Variants in LIMD2 observed in about 807,000 individuals in gnomAD.
LIMD2 encodes LIM domain containing 2.
A neutral mutation model predicts 16.0 loss-of-function variants in LIMD2; 11 were observed. That is an observed-to-expected ratio of 0.69 (90% confidence interval 0.43 to 1.14). The LOEUF is 1.14. LIMD2 is among the 50% of genes most tolerant of loss of function. The pLI is 0.00. For missense variants in LIMD2, 168 were observed against 165.8 expected (o/e 1.01, Z -0.07); for synonymous variants, 60 against 67.1 (o/e 0.89, Z 0.52).
chr17:63,699,775 C>T, intron 1 of LIMD2: 2 of 301,416 alleles, frequency 6.6e-6, no homozygotes, highest in Non-Finnish European at 9.7e-6. Context: ...CCCGAGGTCC[C>T]CGCCCGCCCC....
At position 63,699,083 on chromosome 17, in the gene LIMD2, G is replaced by T; in HGVS notation, c.43-14C>A. On this transcript the variant is annotated splice_polypyrimidine_tract_variant and intron_variant, in intron 2 of 4. Coordinates refer to ENST00000259006, the MANE Select transcript of LIMD2 (RefSeq NM_030576.4). ...GCCTTTGGCGTCCTGAGGGAGAGGG[G>T]CGGTCAGGGCAGGGGCAGCTCCGGG... 6.2e-7 allele frequency: 1 copy of T among 1,600,290 alleles called. No individual in the cohort carries two copies. Among genetic ancestry groups the T allele is most frequent in the Non-Finnish European group, 8.5e-7 (1 of 1,175,448 alleles).
chr17:63,699,680 CCGCTGCCCCGACCTGACCCCGGCCCT>C, intron 1 of LIMD2: 1 of 325,732 alleles, frequency 3.1e-6, no homozygotes, highest in Non-Finnish European at 4.5e-6. Flanking sequence ...CGATGAGAAG[CCGCTGCCCCGACCTGACCCCGGCCCT>C]CGCTGCCCTG....
rs2035717545 is a variant in LIMD2, at chr17:63,698,011, C to CAGAGGGGG, written c.*540_*541insCCCCCTCT. 1 of 157,016 alleles carries CAGAGGGGG rather than the reference C, an allele frequency of 6.4e-6. No homozygotes were observed. The highest frequency in any genetic ancestry group is 2.4e-5 in the African/African-American group (1 of 41,474). 9.7% of individuals were successfully genotyped at this position (157,016 alleles called of 1,614,324 possible). On this transcript the variant is annotated 3_prime_UTR_variant, in exon 5 of 5. Coordinates refer to ENST00000259006, the MANE Select transcript of LIMD2 (RefSeq NM_030576.4). ...CCCCACTGGGGCAGGCCCTGCCTTG[C>CAGAGGGGG]CCTGCAGAGGCAGGGTGGCTCCACT...
In LIMD2 at chr17:63,697,148, TGTGAACTCATCCCTCATTGTCC is replaced by T. The variant is rs1365082554; in HGVS notation, c.*1382_*1403del. On this transcript the variant is annotated 3_prime_UTR_variant, in exon 5 of 5. Transcript: ENST00000259006. ...TCCCAACTTGCCTGGTTTGCTCTGC[TGTGAACTCATCCCTCATTGTCC>T]CTGGGTTTTCAGAGAAGCAGAGGTA... 2 of 152,342 alleles carry T rather than the reference TGTGAACTCATCCCTCATTGTCC, an allele frequency of 1.3e-5. No individual in the cohort carries two copies. The highest frequency in any genetic ancestry group is 4.8e-5 in the African/African-American group (2 of 41,454). The allele number at this position is 152,342 out of a possible 1,614,324, so 9.4% of individuals were successfully genotyped here.
intron 2 of LIMD2, 82 bp from the exon 3 acceptor site, chr17:63,699,151 G>T: frequency 6.3e-7 from 1 of 1,580,828 alleles, no homozygotes; most frequent in East Asian, 2.3e-5. Flanking sequence ...AAGGCCCAGG[G>T]GCGCGCCGCA....
chr17:63,700,696 C>G (rs2035772261), upstream of LIMD2: 1 of 151,340 alleles, frequency 6.6e-6, no homozygotes. The surrounding 1 kb of genome is among the most constrained non-coding windows in gnomAD (Gnocchi z 7.1). Context: ...CGAGTCCTCC[C>G]GCCGCCAGGG....
Position 63,698,837 on chromosome 17 carries a change from G to C in LIMD2, c.186C>G (p.Asn62Lys). 6.2e-7 allele frequency: 1 copy of C among 1,612,440 alleles called. No homozygotes were observed. The highest frequency in any genetic ancestry group is 8.5e-7 in the Non-Finnish European group (1 of 1,179,632). Residue 62 changes from asparagine (N) to lysine (K), a missense_variant, in exon 4 of 5, where the codon AAC (asparagine) becomes AAG (lysine). Coordinates refer to ENST00000259006, the MANE Select transcript of LIMD2 (RefSeq NM_030576.4). ...GACAGTGCTTGCAGCAGAAGCAAGA[G>C]TTGTGGAAAATGAGCTTGTCGGCCA... Reference protein sequence around the residue: ...RLVADKLIFHNSCFCCKHCHT... With the variant: ...RLVADKLIFHKSCFCCKHCHT...
At position 63,699,051 on chromosome 17, in the gene LIMD2, T is replaced by A; in HGVS notation, c.61A>T (p.Ser21Cys). The A allele has an allele frequency of 6.2e-7, 1 of 1,606,800 alleles. No individual in the cohort carries two copies. The highest frequency in any genetic ancestry group is 1.1e-5 in the South Asian group (1 of 90,646). ...TPSHDAKGGG[S>C]STVQRSKSFS... ...ACCTTGGAGCGCTGCACCGTGCTGC[T>A]GCCGCCGCCTTTGGCGTCCTGAGGG... The change falls in exon 3 of 5, where the codon AGC (serine) becomes TGC (cysteine). Residue 21 changes from serine (S) to cysteine (C), a missense_variant. Coordinates refer to ENST00000259006, the MANE Select transcript of LIMD2 (RefSeq NM_030576.4).
intron 1 of LIMD2, chr17:63,699,780 C>T: frequency 1.4e-5 from 5 of 349,248 alleles, no homozygotes; most frequent in African/African-American, 2.2e-5. Flanking sequence ...GGTCCCCGCC[C>T]GCCCCGCCCC....
chr17:63,699,967 C>T (rs999681836), intron 1 of LIMD2, 65 bp downstream of exon 1: 1 of 983,928 alleles, frequency 1.0e-6, no homozygotes, highest in Non-Finnish European at 1.2e-6. Flanking sequence ...GGCCCTCACC[C>T]CACACCCCTC....
At chr17:63,700,195 C>G, upstream of LIMD2, 1 of 979,534 alleles carries the variant, frequency 1.0e-6, no homozygotes, top group Non-Finnish European at 1.2e-6. The surrounding 1 kb of genome is among the most constrained non-coding windows in gnomAD (Gnocchi z 7.1). Flanking sequence ...CGCGCCCGCC[C>G]ATTGGCTCCG....
Position 63,697,664 on chromosome 17 carries a change from T to C in LIMD2, c.*888A>G, listed in dbSNP as rs2143665577. The stretch of plus-strand genomic sequence containing the variant: ...GAAGAGGAGCCCTCCCATTTCTCAA[T>C]GGTGTGTCAGGGAACTGACACCCAC... On this transcript the variant is annotated 3_prime_UTR_variant, in exon 5 of 5. Transcript: ENST00000259006. 1 of 152,326 alleles carries C rather than the reference T, an allele frequency of 6.6e-6. No individual in the cohort carries two copies. Among genetic ancestry groups the C allele is most frequent in the African/African-American group, 2.4e-5 (1 of 41,550 alleles). 9.4% of individuals were successfully genotyped at this position (152,326 alleles called of 1,614,324 possible).
At position 63,699,050 on chromosome 17, in the gene LIMD2, C is replaced by G; in HGVS notation, c.62G>C (p.Ser21Thr). 1 of 1,607,336 alleles carries G rather than the reference C, an allele frequency of 6.2e-7. No individual in the cohort carries two copies. The highest frequency in any genetic ancestry group is 8.5e-7 in the Non-Finnish European group (1 of 1,177,720). ...TACCTTGGAGCGCTGCACCGTGCTG[C>G]TGCCGCCGCCTTTGGCGTCCTGAGG... ...TPSHDAKGGGSSTVQRSKSFS... is the reference protein window; with the variant it reads ...TPSHDAKGGGTSTVQRSKSFS... The change falls in exon 3 of 5, where the codon AGC becomes ACC. Residue 21 changes from serine to threonine, a missense_variant. Ser to Thr is a moderately conservative substitution (Grantham distance 58). Coordinates refer to ENST00000259006, the MANE Select transcript of LIMD2 (RefSeq NM_030576.4).
At chr17:63,700,826 C>CCCGGCAGCT (rs1432528038), upstream of LIMD2, 2 of 147,688 alleles carry the variant, frequency 1.4e-5, no homozygotes, top group East Asian at 1.9e-4. The surrounding 1 kb of genome is among the most constrained non-coding windows in gnomAD (Gnocchi z 7.1). Context: ...CCCCGGCAGC[C>CCCGGCAGCT]CCCCCAGCCC....
At chr17:63,698,753 G>T (rs1177099528) in intron 4 of LIMD2, 42 bp from the exon 5 acceptor site, 1 of 1,613,000 alleles carries the variant, frequency 6.2e-7, no homozygotes, top group Non-Finnish European at 8.5e-7. Context: ...GTCAGGTCGG[G>T]GCTGGGTTGG....
chr17:63,698,488 C>A lies in LIMD2; in HGVS notation c.*64G>T, dbSNP rs1598134370. On this transcript the variant is annotated 3_prime_UTR_variant, in exon 5 of 5. Transcript: ENST00000259006. The stretch of plus-strand genomic sequence containing the variant: ...CCCCCACGCAAGCCCAGCTCGACCT[C>A]CTTCCCACCTTCCCCCTGCCGGCTC... 8 of 1,568,280 alleles carry A rather than the reference C, an allele frequency of 5.1e-6. No individual in the cohort carries two copies. The highest frequency in any genetic ancestry group is 6.9e-6 in the Non-Finnish European group (8 of 1,157,002).
Position 63,698,577 on chromosome 17 carries a change from A to G in LIMD2, c.359T>C (p.Val120Ala), listed in dbSNP as rs763428211. Residue 120 changes from valine (V) to alanine (A), a missense_variant, in exon 5 of 5, where the codon GTG (valine) becomes GCG (alanine). Coordinates refer to ENST00000259006, the MANE Select transcript of LIMD2 (RefSeq NM_030576.4). The part of the protein sequence containing the change: ...QHKELWAHKE[V>A]DPGTKTA The stretch of plus-strand genomic sequence containing the variant: ...TCAGGCCGTCTTGGTGCCGGGGTCC[A>G]CCTCCTTGTGGGCCCAGAGCTCCTT... The G allele has an allele frequency of 7.4e-6, 12 of 1,613,402 alleles. No homozygotes were observed. Among genetic ancestry groups the G allele is most frequent in the Non-Finnish European group, 8.5e-6 (10 of 1,179,958 alleles).
upstream of LIMD2, chr17:63,700,146 A>G (rs1177128686): frequency 1.0e-6 from 1 of 980,656 alleles, no homozygotes; most frequent in East Asian, 1.2e-4. The surrounding 1 kb of genome is among the most constrained non-coding windows in gnomAD (Gnocchi z 7.1). Context: ...CGCCGCCGCC[A>G]CCGCCTTATC....
Position 63,698,808 on chromosome 17 carries a change from GTGTGACAGTGCT to G in LIMD2, c.203_214del (p.Lys68_His71del). The stretch of plus-strand genomic sequence containing the variant: ...CAGGGCAGGGGCGCACCTGAGCTTG[GTGTGACAGTGCT>G]TGCAGCAGAAGCAAGAGTTGTGGAA... On this transcript the variant is annotated inframe_deletion, in exon 4 of 5. Coordinates refer to ENST00000259006, the MANE Select transcript of LIMD2 (RefSeq NM_030576.4). 2 of 1,612,514 alleles carry G rather than the reference GTGTGACAGTGCT, an allele frequency of 1.2e-6. No homozygotes were observed. The highest frequency in any genetic ancestry group is 1.7e-6 in the Non-Finnish European group (2 of 1,179,828).
Sources: allele counts gnomAD v4.1 joint callset, GRCh38; gene constraint gnomAD v4.1.1; non-coding constraint Gnocchi (gnomAD v3.1); transcripts MANE v1.5; gene names NCBI Gene and HGNC (gene_info 2026-07-23, HGNC 2026-07-21).